FBXW4: variants seen among roughly 807,000 people sequenced by gnomAD.
FBXW4 encodes the protein F-box and WD repeat domain containing 4, also known as F-box/WD repeat-containing protein 4.
FBXW4 carries 40 observed loss-of-function variants against 61.8 expected under a neutral mutation model. The observed-to-expected ratio is 0.65, with a 90% confidence interval of 0.50 to 0.84. FBXW4 has a LOEUF of 0.84. Ranked by LOEUF, FBXW4 falls within the 40% of genes least tolerant of loss-of-function variation. FBXW4 has a pLI of 0.00. For synonymous variants in FBXW4, 311 were observed against 313.8 expected (o/e 0.99, Z 0.10); for missense variants, 672 against 753.8 (o/e 0.89, Z 1.27).
intron 6 of FBXW4, among the ~76,000 whole-genome samples, chr10:101,618,458 A>G (rs1477738446): frequency 6.6e-6 from 1 of 152,188 alleles, no homozygotes; most frequent in Non-Finnish European, 1.5e-5. Flanking sequence ...GAGGAGAAAA[A>G]TCTAGGGCAT....
intron 5 of FBXW4, chr10:101,660,228 C>G: frequency 2.0e-6 from 2 of 978,062 alleles, no homozygotes; most frequent in South Asian, 4.8e-5. Context: ...CTTGTACCTC[C>G]AAAACTCCAG....
chr10:101,650,088 G>A (rs958400609), intron 5 of FBXW4, among the ~76,000 whole-genome samples: 1 of 152,160 alleles, frequency 6.6e-6, no homozygotes, highest in Non-Finnish European at 1.5e-5. Flanking sequence ...TTTGAGATAA[G>A]GTACCCACCC....
At chr10:101,616,602 T>C (rs1172166198) in intron 6 of FBXW4, among the ~76,000 whole-genome samples, 1 of 151,984 alleles carries the variant, frequency 6.6e-6, no homozygotes, top group East Asian at 1.9e-4. Flanking sequence ...TCATAGGCAA[T>C]GACAAGATAG....
chr10:101,614,359 G>C (rs1244694214), intron 6 of FBXW4, among the ~76,000 whole-genome samples: 2 of 152,216 alleles, frequency 1.3e-5, no homozygotes, highest in African/African-American at 4.8e-5. Context: ...GAGGGAAGGA[G>C]AGCTGGGCAC....
chr10:101,693,852 A>G (rs2064637552), intron 1 of FBXW4, among the ~76,000 whole-genome samples: 1 of 152,182 alleles, frequency 6.6e-6, no homozygotes, highest in South Asian at 2.1e-4. Flanking sequence ...ATATGAAGTC[A>G]TAAACTATGG....
At chr10:101,668,194 T>C (rs962547995) in intron 4 of FBXW4, among the ~76,000 whole-genome samples, 7 of 152,212 alleles carry the variant, frequency 4.6e-5, no homozygotes, top group Non-Finnish European at 1.0e-4. Context: ...ACTACCCTCT[T>C]TTACTTCCAC....
chr10:101,648,516 C>G (rs1376526078), intron 5 of FBXW4, among the ~76,000 whole-genome samples: 2 of 152,152 alleles, frequency 1.3e-5, no homozygotes, highest in Non-Finnish European at 2.9e-5. Flanking sequence ...GGGGCTGCAG[C>G]AGTGGCAACA....
chr10:101,672,438 G>A (rs193040850), intron 4 of FBXW4, among the ~76,000 whole-genome samples: 5 of 152,294 alleles, frequency 3.3e-5, no homozygotes, highest in East Asian at 1.9e-4. Context: ...CTCTCTCATC[G>A]TCTCTGCTGC....
At chr10:101,687,265 C>A (rs981343317) in intron 1 of FBXW4, among the ~76,000 whole-genome samples, 2 of 152,116 alleles carry the variant, frequency 1.3e-5, no homozygotes, top group Admixed American at 1.3e-4. Context: ...TATAATACCC[C>A]CTTCGGACTG....
chr10:101,650,537 C>T (rs2064136883), intron 5 of FBXW4, among the ~76,000 whole-genome samples: 1 of 152,190 alleles, frequency 6.6e-6, no homozygotes, highest in Non-Finnish European at 1.5e-5. Context: ...GCTGGCAGCC[C>T]TATGGGGTAG....
At chr10:101,635,676 T>G (rs2063995073) in intron 5 of FBXW4, among the ~76,000 whole-genome samples, 1 of 151,522 alleles carries the variant, frequency 6.6e-6, no homozygotes, top group African/African-American at 2.4e-5. Flanking sequence ...CTTTACAAAA[T>G]ATGAAAAAAA....
intron 4 of FBXW4, among the ~76,000 whole-genome samples, chr10:101,672,504 C>T (rs1158572777): frequency 1.3e-5 from 2 of 152,168 alleles, no homozygotes; most frequent in Non-Finnish European, 2.9e-5. Context: ...AATTATCAGC[C>T]TGATTGCTTA....
intron 4 of FBXW4, 150 bp downstream of exon 4, chr10:101,672,765 G>A: frequency 3.6e-6 from 3 of 844,304 alleles, no homozygotes; most frequent in Non-Finnish European, 5.2e-6. Flanking sequence ...CAAGCTGCAT[G>A]CCAGAGGCAC....
At chr10:101,687,126 A>T (rs1390756481) in intron 1 of FBXW4, among the ~76,000 whole-genome samples, 1 of 152,200 alleles carries the variant, frequency 6.6e-6, no homozygotes, top group Non-Finnish European at 1.5e-5. Context: ...CAGGAAAAGT[A>T]TCTCAACATA....
At chr10:101,617,039 C>G (rs1280733210) in intron 6 of FBXW4, among the ~76,000 whole-genome samples, 1 of 152,150 alleles carries the variant, frequency 6.6e-6, no homozygotes, top group East Asian at 1.9e-4. Context: ...CTGCTGGAGC[C>G]AGATGAGACG....
In FBXW4 at chr10:101,694,102, T is replaced by C. The variant is rs2064642181; in HGVS notation, c.725+279A>G. Among the ~76,000 whole-genome samples the C allele has an allele frequency of 6.6e-6, 1 of 151,850 alleles. No individual in the cohort carries two copies. Among genetic ancestry groups the C allele is most frequent in the Non-Finnish European group, 1.5e-5 (1 of 67,946 alleles). ...TGCAAAAACACACAATCGAAAGCTG[T>C]AGGGAGTGCCTAAGATGGCTAATTG... is the stretch of plus-strand genomic sequence containing the variant. On this transcript the variant is annotated intron_variant, in intron 1 of 8. Coordinates refer to ENST00000331272, the MANE Select transcript of FBXW4 (RefSeq NM_022039.4). The surrounding 1 kb of genome is among the most constrained non-coding windows in gnomAD (Gnocchi z 6.0).
At chr10:101,629,393 C>T (rs1237597841) in intron 5 of FBXW4, among the ~76,000 whole-genome samples, 6 of 152,024 alleles carry the variant, frequency 3.9e-5, no homozygotes, top group Non-Finnish European at 7.4e-5. Context: ...ATGCCATTCT[C>T]CTGCCTCAGC....
chr10:101,675,505 A>G (rs111831450), intron 2 of FBXW4, among the ~76,000 whole-genome samples: 1 of 84,222 alleles, frequency 1.2e-5, no homozygotes, highest in African/African-American at 2.8e-5. Context: ...TCTCTCCTGT[A>G]GTTTCTTTAC....
chr10:101,613,362 A>G (rs112175038), intron 6 of FBXW4, among the ~76,000 whole-genome samples: 15 of 152,300 alleles, frequency 9.8e-5, no homozygotes, highest in African/African-American at 3.4e-4. Context: ...GCAAGTATGG[A>G]GTTTCCACAG....
Sources: allele counts gnomAD v4.1 joint callset (sites outside exome capture counted in the v4.1 genomes callset), GRCh38; gene constraint gnomAD v4.1.1; non-coding constraint Gnocchi (gnomAD v3.1); transcripts MANE v1.5; gene names NCBI Gene and HGNC (gene_info 2026-07-23, HGNC 2026-07-21).